The following ANKMY2 variants were observed in gnomAD, a reference collection of about 807,000 sequenced individuals.
The protein encoded by ANKMY2 is ankyrin repeat and MYND domain-containing protein 2.
In ANKMY2, 36 loss-of-function variants were observed where a neutral mutation model predicts 50.4. That is an observed-to-expected ratio of 0.71 (90% CI 0.55 to 0.94). The LOEUF (loss-of-function observed/expected upper bound fraction) is 0.94. ANKMY2 is among the 40% of genes least tolerant of loss of function. ANKMY2 has a pLI of 0.00. For synonymous variants in ANKMY2, 187 were observed against 178.8 expected (o/e 1.05, Z -0.36); for missense variants, 565 against 524.0 (o/e 1.08, Z -0.76).
intron 7 of ANKMY2, among the ~76,000 whole-genome samples, chr7:16,608,240 A>G (rs1213944659): frequency 6.6e-6 from 1 of 152,210 alleles, no homozygotes; most frequent in Non-Finnish European, 1.5e-5. Context: ...GGGCTTTGAT[A>G]TGTGCTGCCA....
chr7:16,622,600 C>T lies in ANKMY2; in HGVS notation c.370+2383G>A, dbSNP rs547007507. ...AAAAATACAAAAAAAATTAGCTAGG[C>T]GTGGTGGCGCACACCTATAATCCCA... On this transcript the variant is annotated intron_variant, in intron 4 of 9. Transcript: ENST00000306999. Among the ~76,000 whole-genome samples, 5 of 151,876 alleles carry T rather than the reference C, an allele frequency of 3.3e-5. No individual in the cohort carries two copies. In the South Asian group the frequency reaches 1.0e-3, roughly 32 times the overall value.
chr7:16,605,912 T>C (rs1413503962), intron 7 of ANKMY2, among the ~76,000 whole-genome samples: 1 of 151,978 alleles, frequency 6.6e-6, no homozygotes. Flanking sequence ...CTTGATCTCC[T>C]GACCTTGTGA....
intron 1 of ANKMY2, 34 bp downstream of exon 1, chr7:16,645,473 T>C (rs940573289): frequency 6.3e-7 from 1 of 1,584,084 alleles, no homozygotes; most frequent in Non-Finnish European, 8.6e-7. Flanking sequence ...CCGGCCAGGC[T>C]GGCCGCGGCC....
intron 1 of ANKMY2, 106 bp from the exon 2 acceptor site, chr7:16,636,561 C>A: frequency 1.3e-6 from 1 of 785,758 alleles, no homozygotes; most frequent in Non-Finnish European, 2.0e-6. Context: ...AAGAGTACAT[C>A]TAGTCAGTGT....
chr7:16,602,346 A>T, intron 9 of ANKMY2, 34 bp downstream of exon 9: 3 of 1,602,742 alleles, frequency 1.9e-6, no homozygotes, highest in Non-Finnish European at 2.6e-6. Flanking sequence ...CTCTCCACTA[A>T]AAAGCAGAGT....
rs1253696964 is a variant in ANKMY2, at chr7:16,610,766, A to G, written c.532-3T>C. On this transcript the variant is annotated splice_region_variant and splice_polypyrimidine_tract_variant and intron_variant, in intron 5 of 9. Transcript: ENST00000306999. ...TTCTCATTTACAAGCATCACGATCTAGAGGAAATCCCAGTGTACTCAGGTA... is the reference window on the plus strand; with the variant it reads ...TTCTCATTTACAAGCATCACGATCTGGAGGAAATCCCAGTGTACTCAGGTA... The G allele has an allele frequency of 6.2e-7, 1 of 1,612,984 alleles. No individual in the cohort carries two copies. Among genetic ancestry groups the G allele is most frequent in the Non-Finnish European group, 8.5e-7 (1 of 1,179,610 alleles).
Position 16,627,270 on chromosome 7 carries a change from T to A in ANKMY2, c.133-92A>T, listed in dbSNP as rs1289824487. Reference sequence around the variant, plus strand: ...TCTGCAATTAGAAACATAAAACGAATATGAACTAATTAAAATGGTCATTAT... The same window carrying A: ...TCTGCAATTAGAAACATAAAACGAAAATGAACTAATTAAAATGGTCATTAT... On this transcript the variant is annotated intron_variant, in intron 2 of 9. Transcript: ENST00000306999. 6.8e-6 allele frequency: 5 copies of A among 732,788 alleles called. No individual in the cohort carries two copies. The Admixed American group carries it at 1.0e-4, about 15-fold the overall frequency. The allele number at this position is 732,788 out of a possible 1,614,324, so 45.4% of individuals were successfully genotyped here.
chr7:16,627,757 TA>T (rs1781525689), intron 2 of ANKMY2, among the ~76,000 whole-genome samples: 9 of 152,166 alleles, frequency 5.9e-5, no homozygotes, highest in Non-Finnish European at 7.3e-5. Context: ...ATTTTGATCA[TA>T]CATATGATTT....
chr7:16,600,795 T>A lies in ANKMY2; in HGVS notation c.1292A>T (p.Asp431Val). Residue 431 changes from aspartate to valine, a missense_variant, in exon 10 of 10, where the codon GAT becomes GTT. Physicochemically the swap from Asp to Val is radical, Grantham distance 152. Coordinates refer to ENST00000306999, the MANE Select transcript of ANKMY2 (RefSeq NM_020319.3). ...AGACACCTGTGGCCCTGCAGGAGCA[T>A]CCTGTAAGCCTTCCAACTCAGCTTC... ...ESEAELEGLQDAPAGPQVSEE is the reference protein window; with the variant it reads ...ESEAELEGLQVAPAGPQVSEE 6.2e-7 allele frequency: 1 copy of A among 1,613,314 alleles called. No homozygotes were observed. The highest frequency in any genetic ancestry group is 8.5e-7 in the Non-Finnish European group (1 of 1,179,646).
chr7:16,605,135 T>TAA (rs1253186235), intron 7 of ANKMY2, among the ~76,000 whole-genome samples: 1 of 152,254 alleles, frequency 6.6e-6, no homozygotes, highest in Non-Finnish European at 1.5e-5. Context: ...GATAATTCAG[T>TAA]AAGCCCATAG....
Position 16,600,935 on chromosome 7 carries a change from A to G in ANKMY2, c.1152T>C (p.Leu384=). Residue 384 remains leucine, a synonymous_variant, in exon 10 of 10, where the codon CTT becomes CTC. Transcript: ENST00000306999. ...CATTAACACAGTTAGAATTGACATC[A>G]AGTTTGCCGTCTGATTAAAAAAAGA... ...EKRQEENHGK[L]DVNSNCVNEE... is the part of the protein sequence containing the mutation. 1 of 1,586,094 alleles carries G rather than the reference A, an allele frequency of 6.3e-7. No individual in the cohort carries two copies. Among genetic ancestry groups the G allele is most frequent in the Non-Finnish European group, 8.6e-7 (1 of 1,165,612 alleles).
intron 5 of ANKMY2, among the ~76,000 whole-genome samples, chr7:16,614,329 C>T (rs1781306308): frequency 6.6e-6 from 1 of 152,232 alleles, no homozygotes; most frequent in Non-Finnish European, 1.5e-5. Flanking sequence ...ATGCAGTTCA[C>T]AACTGAATTT....
At position 16,615,770 on chromosome 7, in the gene ANKMY2, T is replaced by C; in HGVS notation, c.505A>G (p.Thr169Ala). 1 of 1,614,184 alleles carries C rather than the reference T, an allele frequency of 6.2e-7. No homozygotes were observed. Residue 169 changes from threonine (T) to alanine (A), a missense_variant, in exon 5 of 10, where the codon ACC (threonine) becomes GCC (alanine). Coordinates refer to ENST00000306999, the MANE Select transcript of ANKMY2 (RefSeq NM_020319.3). The stretch of plus-strand genomic sequence containing the variant: ...TTGACAGGATGAAGATTCGTTGTGG[T>C]GATAATTTTGTGCAGCGGGCCTGCC... ...KLAGPLHKII[T>A]TTNLHPVKIV...
chr7:16,639,438 T>A (rs991873249), intron 1 of ANKMY2, among the ~76,000 whole-genome samples: 1 of 152,210 alleles, frequency 6.6e-6, no homozygotes. Flanking sequence ...ATTAGTGATT[T>A]ATTTCCCTTT....
At chr7:16,617,695 G>T (rs1057301583) in intron 4 of ANKMY2, among the ~76,000 whole-genome samples, 1 of 152,162 alleles carries the variant, frequency 6.6e-6, no homozygotes, top group African/African-American at 2.4e-5. Flanking sequence ...GGCAGGCATG[G>T]TGGCTCATGC....
intron 7 of ANKMY2, among the ~76,000 whole-genome samples, chr7:16,606,054 T>C (rs1781155334): frequency 6.6e-6 from 1 of 152,018 alleles, no homozygotes. Context: ...CCTGACCTCG[T>C]GGTTCGCCCG....
intron 7 of ANKMY2, among the ~76,000 whole-genome samples, chr7:16,606,060 G>A (rs933515806): frequency 2.6e-5 from 4 of 151,808 alleles, no homozygotes; most frequent in South Asian, 2.1e-4. Flanking sequence ...CTCGTGGTTC[G>A]CCCGCCTTGG....
chr7:16,608,232 G>C (rs1323404459), intron 7 of ANKMY2, among the ~76,000 whole-genome samples: 1 of 152,136 alleles, frequency 6.6e-6, no homozygotes. Context: ...GGTTGGTTGG[G>C]CTTTGATATG....
intron 4 of ANKMY2, among the ~76,000 whole-genome samples, chr7:16,618,614 C>T (rs1781391434): frequency 6.6e-6 from 1 of 151,982 alleles, no homozygotes; most frequent in Admixed American, 6.6e-5. Flanking sequence ...TTATTTCTTT[C>T]CCCAGTACAT....
Sources: allele counts gnomAD v4.1 joint callset (sites outside exome capture counted in the v4.1 genomes callset), GRCh38; gene constraint gnomAD v4.1.1; transcripts MANE v1.5; gene names NCBI Gene and HGNC (gene_info 2026-07-23, HGNC 2026-07-21).